The following DOCK2 variants were observed in gnomAD, a reference collection of about 807,000 sequenced individuals.
DOCK2 encodes dedicator of cytokinesis 2, also known as dedicator of cytokinesis protein 2.
A neutral mutation model predicts 248.9 loss-of-function variants in DOCK2; 87 were observed. That is an observed-to-expected ratio of 0.35 (90% CI 0.29 to 0.42). The LOEUF (loss-of-function observed/expected upper bound fraction) is 0.42. Among genes scored for constraint, DOCK2 ranks in the 10% least tolerant of loss-of-function variants. The pLI is 1.00. For missense variants in DOCK2, 1,747 were observed against 2,300.2 expected, an observed-to-expected ratio of 0.76 and a Z score of 4.92; for synonymous variants, 805 against 821.6, an observed-to-expected ratio of 0.98 and a Z score of 0.35.
intron 26 of DOCK2, among the ~76,000 whole-genome samples, chr5:169,836,392 A>G (rs1055864784): frequency 6.6e-6 from 1 of 152,118 alleles, no homozygotes; most frequent in Admixed American, 6.6e-5. Flanking sequence ...GAGTTTTAAC[A>G]AAGCAGCAAA....
At chr5:169,737,644 C>T (rs1230444267) in intron 22 of DOCK2, among the ~76,000 whole-genome samples, 1 of 152,114 alleles carries the variant, frequency 6.6e-6, no homozygotes, top group African/African-American at 2.4e-5. Context: ...TTGAAGTTAA[C>T]TTGATCACCA....
chr5:169,748,532 A>G (rs905067449), intron 23 of DOCK2, among the ~76,000 whole-genome samples: 1 of 152,220 alleles, frequency 6.6e-6, no homozygotes, highest in Non-Finnish European at 1.5e-5. Context: ...TTAATTTAAC[A>G]AACAGTGGAA....
intron 27 of DOCK2, among the ~76,000 whole-genome samples, chr5:169,843,335 A>G (rs947147044): frequency 6.6e-6 from 1 of 152,076 alleles, no homozygotes; most frequent in Non-Finnish European, 1.5e-5. Context: ...TTTCCTGGCT[A>G]ACACGGTGAA....
chr5:169,900,650 G>A lies in DOCK2; in HGVS notation c.2799+59798G>A, dbSNP rs554417221. Among the ~76,000 whole-genome samples the A allele has an allele frequency of 5.3e-5, 8 of 152,284 alleles. No individual in the cohort carries two copies. In the South Asian group the frequency reaches 1.4e-3, roughly 28 times the overall value. ...TGCACTACTTCTAATTAGAAGCTTC[G>A]ATTAGCAGTATTACATGCTTTGGAT... On this transcript the variant is annotated intron_variant, in intron 27 of 51. Transcript: ENST00000520908.
intron 30 of DOCK2, among the ~76,000 whole-genome samples, chr5:170,007,908 T>C (rs776437541): frequency 6.6e-6 from 1 of 152,156 alleles, no homozygotes; most frequent in Non-Finnish European, 1.5e-5. Flanking sequence ...GCCAGAGAAT[T>C]TGTATCTCTA....
intron 25 of DOCK2, among the ~76,000 whole-genome samples, chr5:169,796,298 A>G (rs900711899): frequency 6.6e-6 from 1 of 152,254 alleles, no homozygotes; most frequent in Non-Finnish European, 1.5e-5. Context: ...TTTCCCTAGC[A>G]GGGATATAGT....
chr5:169,895,546 G>A (rs1033822855), intron 27 of DOCK2, among the ~76,000 whole-genome samples: 3 of 151,906 alleles, frequency 2.0e-5, no homozygotes, highest in Admixed American at 6.6e-5. Context: ...TCTTTTGGGG[G>A]TAGGATCACA....
chr5:169,782,376 T>TA (rs1765755614), intron 25 of DOCK2, among the ~76,000 whole-genome samples: 1 of 152,116 alleles, frequency 6.6e-6, no homozygotes, highest in Admixed American at 6.5e-5. Flanking sequence ...ACTGTGGTTG[T>TA]AGTCTCCTTA....
intron 22 of DOCK2, among the ~76,000 whole-genome samples, chr5:169,746,818 C>T (rs1763641623): frequency 6.6e-6 from 1 of 152,120 alleles, no homozygotes; most frequent in Non-Finnish European, 1.5e-5. Flanking sequence ...GGAGTCTCAC[C>T]TTCTAAGTTA....
At chr5:169,642,257 G>T (rs1757193480) in intron 1 of DOCK2, among the ~76,000 whole-genome samples, 1 of 152,202 alleles carries the variant, frequency 6.6e-6, no homozygotes, top group Non-Finnish European at 1.5e-5. Flanking sequence ...TTAAATATTT[G>T]TTGGGTGTGT....
At chr5:169,871,764 G>A (rs1771992259) in intron 27 of DOCK2, among the ~76,000 whole-genome samples, 1 of 152,320 alleles carries the variant, frequency 6.6e-6, no homozygotes, top group African/African-American at 2.4e-5. Context: ...GTCCCCTGTG[G>A]AACCAGACCT....
intron 23 of DOCK2, among the ~76,000 whole-genome samples, chr5:169,757,585 A>G (rs1174871815): frequency 6.6e-6 from 1 of 152,206 alleles, no homozygotes; most frequent in East Asian, 1.9e-4. Context: ...TCCAATAACC[A>G]TAAAGTAAAA....
intron 27 of DOCK2, among the ~76,000 whole-genome samples, chr5:169,929,251 C>G (rs1415168739): frequency 6.6e-6 from 1 of 152,226 alleles, no homozygotes; most frequent in Non-Finnish European, 1.5e-5. Context: ...ATCTCTTCCT[C>G]CACCATCCTT....
At chr5:169,661,127 A>G (rs1421035064) in intron 2 of DOCK2, among the ~76,000 whole-genome samples, 1 of 152,118 alleles carries the variant, frequency 6.6e-6, no homozygotes, top group Admixed American at 6.5e-5. Flanking sequence ...TGAGTTTTTA[A>G]TCCAATTTAA....
intron 34 of DOCK2, among the ~76,000 whole-genome samples, chr5:170,030,224 A>G (rs1756082792): frequency 6.6e-6 from 1 of 152,178 alleles, no homozygotes. Flanking sequence ...GTGATTATTT[A>G]TAAAAGGAGT....
chr5:169,829,791 GAC>G (rs1769107207), intron 26 of DOCK2, among the ~76,000 whole-genome samples: 1 of 152,020 alleles, frequency 6.6e-6, no homozygotes, highest in African/African-American at 2.4e-5. Flanking sequence ...TAATATCTTT[GAC>G]ACATGATATG....
At chr5:170,045,272 C>T (rs116509563) in intron 38 of DOCK2, among the ~76,000 whole-genome samples, 2,199 of 152,190 alleles carry the variant, frequency 0.014, 50 homozygotes, top group African/African-American at 0.051. Flanking sequence ...GAAACTCTGA[C>T]CTTGAGCCAC....
chr5:169,780,899 C>T (rs952659418), intron 25 of DOCK2, among the ~76,000 whole-genome samples: 2 of 152,108 alleles, frequency 1.3e-5, no homozygotes, highest in African/African-American at 4.8e-5. Context: ...TATCGCCATA[C>T]TTCTAAATAA....
chr5:169,843,524 A>G (rs185091973), intron 27 of DOCK2, among the ~76,000 whole-genome samples: 1 of 152,364 alleles, frequency 6.6e-6, no homozygotes, highest in Admixed American at 6.5e-5. Flanking sequence ...TCCGTCTCAA[A>G]ATAAACAAAT....
Sources: gnomAD v4.1 joint callset for allele counts (sites outside exome capture counted in the v4.1 genomes callset) on GRCh38, gnomAD v4.1.1 for gene constraint, MANE v1.5 for transcripts, NCBI Gene and HGNC (gene_info 2026-07-23, HGNC 2026-07-21) for gene names.